The following AGBL4 variants were observed in gnomAD, a reference collection of about 807,000 sequenced individuals.
AGBL4 encodes cytosolic carboxypeptidase 6.
A neutral mutation model predicts 66.4 loss-of-function variants in AGBL4; 58 were observed. That is an observed-to-expected ratio of 0.87 (90% CI 0.71 to 1.09). The LOEUF is 1.09. Among genes scored for constraint, AGBL4 ranks in the 50% least tolerant of loss-of-function variants. The pLI is 0.00. For missense variants in AGBL4, 579 were observed against 631.0 expected, an observed-to-expected ratio of 0.92 and a Z score of 0.88; for synonymous variants, 234 against 222.9, an observed-to-expected ratio of 1.05 and a Z score of -0.44.
At chr1:48,730,746 C>T (rs914570387) in intron 6 of AGBL4, among the ~76,000 whole-genome samples, 4 of 152,094 alleles carry the variant, frequency 2.6e-5, no homozygotes, top group Admixed American at 6.5e-5. Flanking sequence ...TCTCCCTCTG[C>T]GAGGGAGCAT....
chr1:49,155,575 G>A (rs971160046), intron 4 of AGBL4, among the ~76,000 whole-genome samples: 1 of 151,920 alleles, frequency 6.6e-6, no homozygotes, highest in African/African-American at 2.4e-5. Flanking sequence ...CTGGTTCTAG[G>A]GTTTATTTAT....
At chr1:48,612,040 A>G (rs1186143682) in intron 9 of AGBL4, among the ~76,000 whole-genome samples, 1 of 152,258 alleles carries the variant, frequency 6.6e-6, no homozygotes, top group Non-Finnish European at 1.5e-5. Context: ...GGAGCTGCAT[A>G]TAATGCAAAC....
chr1:49,978,365 G>A (rs1025616050), intron 1 of AGBL4, among the ~76,000 whole-genome samples: 11 of 151,996 alleles, frequency 7.2e-5, no homozygotes, highest in African/African-American at 2.7e-4. Context: ...AATCACTTGG[G>A]CCCAGAAGTT....
At chr1:49,546,449 CTG>C (rs1345176838) in intron 3 of AGBL4, among the ~76,000 whole-genome samples, 2 of 151,840 alleles carry the variant, frequency 1.3e-5, no homozygotes, top group Non-Finnish European at 2.9e-5. Flanking sequence ...GATTTTGCAA[CTG>C]TGAATTTTGT....
intron 1 of AGBL4, among the ~76,000 whole-genome samples, chr1:49,876,865 G>T (rs1436992006): frequency 1.2e-4 from 18 of 149,784 alleles, no homozygotes; most frequent in South Asian, 2.1e-4. Context: ...CCTTGAAGAG[G>T]TCCTTCACAT....
At chr1:48,645,667 C>T (rs538922506) in intron 8 of AGBL4, among the ~76,000 whole-genome samples, 37 of 152,224 alleles carry the variant, frequency 2.4e-4, no homozygotes, top group African/African-American at 8.4e-4. Context: ...GTAAAATGAG[C>T]ATAATGATGC....
At chr1:48,894,121 G>C (rs569367624) in intron 5 of AGBL4, among the ~76,000 whole-genome samples, 1 of 152,314 alleles carries the variant, frequency 6.6e-6, no homozygotes, top group South Asian at 2.1e-4. Context: ...CAAACCCTTT[G>C]ACCCAGTAAT....
chr1:49,596,651 C>T (rs1644859059), intron 3 of AGBL4, among the ~76,000 whole-genome samples: 1 of 152,148 alleles, frequency 6.6e-6, no homozygotes, highest in Admixed American at 6.5e-5. Flanking sequence ...GGTATTTCAT[C>T]ATTTACAATG....
chr1:48,986,267 A>T (rs537789901), intron 5 of AGBL4, among the ~76,000 whole-genome samples: 110 of 152,174 alleles, frequency 7.2e-4, no homozygotes, highest in African/African-American at 2.5e-3. Flanking sequence ...TAATAGGTGA[A>T]ATTTTTCCAC....
rs1019318070 is a variant in AGBL4, at chr1:49,042,547, T to G, written c.594+3037A>C. Reference sequence around the variant, plus strand: ...TAAATGACAGTGCCACAGAACTGCTTCTTCTTTCTCCACCGTCTCCTTCAT... The same window carrying G: ...TAAATGACAGTGCCACAGAACTGCTGCTTCTTTCTCCACCGTCTCCTTCAT... On this transcript the variant is annotated intron_variant, in intron 5 of 13. Coordinates refer to ENST00000371839, the MANE Select transcript of AGBL4 (RefSeq NM_032785.4). 5.3e-4 allele frequency among the ~76,000 whole-genome samples: 80 copies of G among 152,168 alleles called. 6 individuals are homozygous for G. The highest frequency in any genetic ancestry group is 2.4e-5 in the African/African-American group (1 of 41,458).
chr1:49,755,291 A>G (rs1651808117), intron 2 of AGBL4, among the ~76,000 whole-genome samples: 1 of 152,184 alleles, frequency 6.6e-6, no homozygotes, highest in Admixed American at 6.5e-5. Flanking sequence ...TCTGGTAAGA[A>G]TTAGAAGGAA....
At chr1:49,806,432 A>G (rs1236939639) in intron 2 of AGBL4, among the ~76,000 whole-genome samples, 3 of 152,204 alleles carry the variant, frequency 2.0e-5, no homozygotes, top group African/African-American at 7.2e-5. Flanking sequence ...ACATTTGGCT[A>G]AAGAAAGTTT....
At chr1:49,004,556 C>A (rs953019913) in intron 5 of AGBL4, among the ~76,000 whole-genome samples, 2 of 152,126 alleles carry the variant, frequency 1.3e-5, no homozygotes, top group African/African-American at 4.8e-5. Context: ...GGGCTGGGCA[C>A]TGGGGACACA....
chr1:48,530,584 C>A (rs2148246740), downstream of AGBL4, among the ~76,000 whole-genome samples: 1 of 152,272 alleles, frequency 6.6e-6, no homozygotes, highest in South Asian at 2.1e-4. Context: ...TGCCGCAAAG[C>A]AAACATTATC....
intron 6 of AGBL4, among the ~76,000 whole-genome samples, chr1:48,755,466 A>C (rs1465926724): frequency 1.3e-5 from 2 of 152,210 alleles, no homozygotes; most frequent in Non-Finnish European, 2.9e-5. Context: ...TGGACAAAAA[A>C]TGAAAATACT....
intron 2 of AGBL4, among the ~76,000 whole-genome samples, chr1:49,732,473 G>A (rs1649529175): frequency 6.6e-6 from 1 of 152,178 alleles, no homozygotes; most frequent in Non-Finnish European, 1.5e-5. Flanking sequence ...TCTCAGACCT[G>A]TATTTAACAG....
intron 6 of AGBL4, among the ~76,000 whole-genome samples, chr1:48,700,944 G>A (rs911819546): frequency 6.6e-6 from 1 of 152,112 alleles, no homozygotes; most frequent in Non-Finnish European, 1.5e-5. Flanking sequence ...CCACCCCAAC[G>A]AGAACACAGT....
At chr1:48,795,480 G>A (rs1184475492) in intron 6 of AGBL4, among the ~76,000 whole-genome samples, 1 of 150,622 alleles carries the variant, frequency 6.6e-6, no homozygotes, top group Non-Finnish European at 1.5e-5. Context: ...ACATATAGTG[G>A]TAAGAATAAT....
intron 1 of AGBL4, among the ~76,000 whole-genome samples, chr1:50,021,372 A>T (rs773436291): frequency 6.6e-6 from 1 of 152,118 alleles, no homozygotes. Flanking sequence ...GCCAGTTTAC[A>T]CTTTTCTTGT....
Sources: gnomAD v4.1 joint callset for allele counts (sites outside exome capture counted in the v4.1 genomes callset) on GRCh38, gnomAD v4.1.1 for gene constraint, MANE v1.5 for transcripts, NCBI Gene and HGNC (gene_info 2026-07-23, HGNC 2026-07-21) for gene names.